The following MEF2D variants were observed in gnomAD, a reference collection of about 807,000 sequenced individuals.
MEF2D encodes myocyte enhancer factor 2D, also known as myocyte-specific enhancer factor 2D.
MEF2D carries 10 observed loss-of-function variants against 59.3 expected under a neutral mutation model. The ratio of observed to expected loss-of-function variants is 0.17; its 90% confidence interval spans 0.10 to 0.29. The LOEUF is 0.29. MEF2D is among the 10% of genes least tolerant of loss of function. MEF2D has a pLI of 1.00. For missense variants in MEF2D, 508 were observed against 699.4 expected (o/e 0.73, Z 3.09); for synonymous variants, 305 against 295.0 (o/e 1.03, Z -0.35).
intron 11 of MEF2D, 139 bp from the exon 12 acceptor site, chr1:156,467,795 A>G (rs1488808540): frequency 5.6e-6 from 6 of 1,076,346 alleles, no homozygotes; most frequent in Non-Finnish European, 7.8e-6. Flanking sequence ...ATCGAGCAGA[A>G]GGACTGATGC....
chr1:156,471,492 T>G (rs1189942258), intron 9 of MEF2D, among the ~76,000 whole-genome samples: 1 of 152,204 alleles, frequency 6.6e-6, no homozygotes, highest in African/African-American at 2.4e-5. Flanking sequence ...TACAGTGCCT[T>G]GCCCAAGGCC....
chr1:156,475,055 C>G, intron 9 of MEF2D, 53 bp downstream of exon 9: 1 of 1,611,946 alleles, frequency 6.2e-7, no homozygotes, highest in Non-Finnish European at 8.5e-7. Context: ...TGTCTGGTCA[C>G]TTGCCTGCCC....
At chr1:156,480,541 C>G in intron 4 of MEF2D, 1 of 1,250,048 alleles carries the variant, frequency 8.0e-7, no homozygotes, top group Non-Finnish European at 1.1e-6. Flanking sequence ...ACTAAGAACC[C>G]GAGCATGGCT....
chr1:156,472,577 C>G (rs991769811), intron 9 of MEF2D, among the ~76,000 whole-genome samples: 1 of 152,200 alleles, frequency 6.6e-6, no homozygotes, highest in East Asian at 1.9e-4. Flanking sequence ...AGACAAAAGT[C>G]TCGCTCTGTT....
chr1:156,468,993 G>A lies in MEF2D; in HGVS notation c.1034C>T (p.Ser345Phe). The A allele has an allele frequency of 6.2e-7, 1 of 1,612,190 alleles. No homozygotes were observed. Among genetic ancestry groups the A allele is most frequent in the Non-Finnish European group, 8.5e-7 (1 of 1,178,480 alleles). ...TDYQLTSAEL[S>F]SLPAFSSPGG... ...AGGTGAACTAAAGGCTGGTAAGGAG[G>A]AGAGCTCTGCACTGGTCAACTGGTA... Residue 345 changes from serine to phenylalanine, a missense_variant, in exon 10 of 12, where the codon TCC becomes TTC. Physicochemically the swap from Ser to Phe is radical, Grantham distance 155. This residue lies in a region of MEF2D where 481 missense variants were observed against 584.7 expected (regional missense o/e 0.82). Transcript: ENST00000348159. This position sits in a 1 kb window ranked among gnomAD's most constrained non-coding sequence, Gnocchi z 4.3.
intron 11 of MEF2D, 127 bp from the exon 12 acceptor site, chr1:156,467,783 T>G: frequency 3.6e-6 from 4 of 1,096,408 alleles, no homozygotes; most frequent in Non-Finnish European, 5.1e-6. Context: ...GGGGAAGAAG[T>G]CATCGAGCAG....
intron 9 of MEF2D, among the ~76,000 whole-genome samples, chr1:156,471,201 G>A (rs1671216030): frequency 6.6e-6 from 1 of 152,116 alleles, no homozygotes; most frequent in African/African-American, 2.4e-5. Flanking sequence ...CGTGATCTCG[G>A]CTCACCGCAA....
In MEF2D at chr1:156,482,578, A is replaced by G. The variant is rs1478566761; in HGVS notation, c.117T>C (p.Cys39=). The change falls in exon 3 of 12, where the codon TGT becomes TGC. Residue 39 remains cysteine, a synonymous_variant. Transcript: ENST00000348159. ...MKKAYELSVL[C]DCEIALIIFN... is the part of the protein sequence containing the mutation. Reference sequence around the variant, plus strand: ...AGATGATGAGTGCGATCTCGCAGTCACATAGCACGCTCAGCTCATACGCCT... The same window carrying G: ...AGATGATGAGTGCGATCTCGCAGTCGCATAGCACGCTCAGCTCATACGCCT... 2 of 1,614,236 alleles carry G rather than the reference A, an allele frequency of 1.2e-6. No homozygotes were observed. Among genetic ancestry groups the G allele is most frequent in the Non-Finnish European group, 1.7e-6 (2 of 1,180,048 alleles).
chr1:156,487,499 T>G (rs980559852), intron 1 of MEF2D, among the ~76,000 whole-genome samples: 6 of 152,208 alleles, frequency 3.9e-5, no homozygotes, highest in African/African-American at 1.2e-4. Context: ...ATACTGACCT[T>G]TTTTCCTTCT....
At position 156,476,504 on chromosome 1, in the gene MEF2D, T is replaced by C. The variant is rs1387122341; in HGVS notation, c.866A>G (p.His289Arg). 3 of 1,612,042 alleles carry C rather than the reference T, an allele frequency of 1.9e-6. No homozygotes were observed. The highest frequency in any genetic ancestry group is 2.5e-6 in the Non-Finnish European group (3 of 1,179,166). Residue 289 changes from histidine to arginine, a missense_variant, in exon 8 of 12, where the codon CAT (histidine) becomes CGT (arginine). Around this residue, in one of 2 missense-constraint regions of MEF2D, gnomAD observed 481 missense variants for 584.7 expected, o/e 0.82. Coordinates refer to ENST00000348159, the MANE Select transcript of MEF2D (RefSeq NM_005920.4). ...CACAGCCTCACTTACCAGATCTAAA[T>C]GGTCCTCAGTCTGAGAGCAGAAATA... The part of the protein sequence containing the change: ...KGLMHHLTED[H>R]LDLNNAQRLG...
chr1:156,495,117 T>A (rs891372234), intron 1 of MEF2D, among the ~76,000 whole-genome samples: 1 of 152,284 alleles, frequency 6.6e-6, no homozygotes, highest in South Asian at 2.1e-4. Flanking sequence ...GGGGGCTTTC[T>A]CCATGACACT....
intron 9 of MEF2D, among the ~76,000 whole-genome samples, chr1:156,471,690 G>C (rs1403678466): frequency 6.6e-6 from 1 of 152,358 alleles, no homozygotes; most frequent in Non-Finnish European, 1.5e-5. Flanking sequence ...CAAGGGGCCA[G>C]GCCCTCACAT....
At chr1:156,481,549 G>A (rs1022017975) in intron 3 of MEF2D, among the ~76,000 whole-genome samples, 1 of 152,196 alleles carries the variant, frequency 6.6e-6, no homozygotes, top group Non-Finnish European at 1.5e-5. Flanking sequence ...CATTCTAGTG[G>A]AGGCACATCT....
intron 1 of MEF2D, among the ~76,000 whole-genome samples, chr1:156,498,989 C>T (rs1380925989): frequency 6.6e-6 from 1 of 152,150 alleles, no homozygotes; most frequent in Non-Finnish European, 1.5e-5. Context: ...TGGCCACAAG[C>T]GGGTGGACAT....
At chr1:156,491,113 TAG>T (rs1387313017) in intron 1 of MEF2D, among the ~76,000 whole-genome samples, 1 of 152,076 alleles carries the variant, frequency 6.6e-6, no homozygotes, top group Non-Finnish European at 1.5e-5. Flanking sequence ...TGAGTCCCAG[TAG>T]AGAAGGGATG....
In MEF2D at chr1:156,468,048, G is replaced by A. The variant is rs1670974695; in HGVS notation, c.1499C>T (p.Ala500Val). ...FGPTLGLLRP[A>V]PEPEAEGSAV... ...TGAGCCCTCAGCCTCAGGCTCTGGG[G>A]CTGGGCGCAGCAGGCCCAGTGTGGG... Residue 500 changes from alanine to valine, a missense_variant, in exon 11 of 12, where the codon GCC becomes GTC. Ala to Val is a moderately conservative substitution (Grantham distance 64, BLOSUM62 0). This residue lies in a region of MEF2D where 481 missense variants were observed against 584.7 expected (regional missense o/e 0.82). Transcript: ENST00000348159. The surrounding 1 kb of genome is among the most constrained non-coding windows in gnomAD (Gnocchi z 4.3). 4 of 1,613,894 alleles carry A rather than the reference G, an allele frequency of 2.5e-6. No homozygotes were observed. Among genetic ancestry groups the A allele is most frequent in the South Asian group, 1.1e-5 (1 of 91,074 alleles).
At chr1:156,487,730 C>T (rs1672463204) in intron 1 of MEF2D, among the ~76,000 whole-genome samples, 1 of 152,240 alleles carries the variant, frequency 6.6e-6, no homozygotes, top group African/African-American at 2.4e-5. Flanking sequence ...AGCCCTCTGC[C>T]TAATTACCTA....
At chr1:156,478,057 G>A (rs1671734517) in intron 6 of MEF2D, among the ~76,000 whole-genome samples, 1 of 152,208 alleles carries the variant, frequency 6.6e-6, no homozygotes, top group Non-Finnish European at 1.5e-5. Flanking sequence ...CCTGCCCAGG[G>A]CCACACAGCT....
At chr1:156,470,887 G>A (rs1348286404) in intron 9 of MEF2D, among the ~76,000 whole-genome samples, 1 of 152,156 alleles carries the variant, frequency 6.6e-6, no homozygotes, top group Non-Finnish European at 1.5e-5. Flanking sequence ...CCAAGTCATG[G>A]AGAAAGCCAG....
Sources: allele counts gnomAD v4.1 joint callset (sites outside exome capture counted in the v4.1 genomes callset), GRCh38; gene constraint gnomAD v4.1.1; regional missense constraint gnomAD v4.1.1; non-coding constraint Gnocchi (gnomAD v3.1); transcripts MANE v1.5; gene names NCBI Gene and HGNC (gene_info 2026-07-23, HGNC 2026-07-21).